NIPSNAP3A: variants seen among roughly 807,000 people sequenced by gnomAD.
NIPSNAP3A encodes nipsnap homolog 3A, also known as protein NipSnap homolog 3A.
NIPSNAP3A carries 27 observed loss-of-function variants against 32.3 expected under a neutral mutation model. The observed-to-expected ratio is 0.84, with a 90% CI of 0.62 to 1.15. The LOEUF (loss-of-function observed/expected upper bound fraction) is 1.15, where lower values mean the gene tolerates loss of function less well. NIPSNAP3A is among the 50% of genes most tolerant of loss of function. The pLI is 0.00. For missense variants in NIPSNAP3A, 278 were observed against 297.2 expected, an observed-to-expected ratio of 0.94 and a Z score of 0.48; for synonymous variants, 108 against 107.3, an observed-to-expected ratio of 1.01 and a Z score of -0.04.
Position 104,747,845 on chromosome 9 carries a change from C to G in NIPSNAP3A, c.53C>G (p.Ala18Gly). 1 of 1,607,890 alleles carries G rather than the reference C, an allele frequency of 6.2e-7. No homozygotes were observed. The highest frequency in any genetic ancestry group is 8.5e-7 in the Non-Finnish European group (1 of 1,178,712). Residue 18 changes from alanine to glycine, a missense_variant, in exon 1 of 6, where the codon GCG (alanine) becomes GGG (glycine). Physicochemically the swap from Ala to Gly is moderately conservative, Grantham distance 60. Transcript: ENST00000374767. Reference protein sequence around the residue: ...LTRALASRTLAPQMCSSFATG... With the variant: ...LTRALASRTLGPQMCSSFATG... ...CGGGCGCTGGCCTCACGGACGCTGG[C>G]GCCTCAGGTACCGGCCACGGGGGTA...
chr9:104,756,677 A>G (rs924044799), intron 4 of NIPSNAP3A, among the ~76,000 whole-genome samples: 1 of 152,124 alleles, frequency 6.6e-6, no homozygotes, highest in African/African-American at 2.4e-5. Context: ...TTTTGCCAGT[A>G]TTACTTCTAG....
rs1367887807 is a variant in NIPSNAP3A at position 104,752,955 on chromosome 9, G to C, written c.321G>C (p.Lys107Asn). 6.2e-7 allele frequency: 1 copy of C among 1,613,252 alleles called. No individual in the cohort carries two copies. Among genetic ancestry groups the C allele is most frequent in the Admixed American group, 1.7e-5 (1 of 60,008 alleles). The change falls in exon 3 of 6, where the codon AAG becomes AAC. Residue 107 changes from lysine (K) to asparagine (N), a missense_variant. Physicochemically the swap from Lys to Asn is moderately conservative, Grantham distance 94. Transcript: ENST00000374767. ...TEVRKALAKD[K>N]EWQEQFLIPN... ...TTCGGAAAGCCTTGGCCAAAGATAA[G>C]GAATGGCAAGAACAATTCCTCATTC...
rs1242576081 is a variant in NIPSNAP3A at position 104,747,758 on chromosome 9, C to A, written c.-35C>A. On this transcript the variant is annotated 5_prime_UTR_variant, in exon 1 of 6. Coordinates refer to ENST00000374767, the MANE Select transcript of NIPSNAP3A (RefSeq NM_015469.3). ...CTTCAGAGGAGTCTCAGAAAGGACA[C>A]GGCTGGCTGCTTTTCTCAGCGCCGA... is the stretch of plus-strand genomic sequence containing the variant. The A allele has an allele frequency of 1.3e-6, 2 of 1,593,846 alleles. No homozygotes were observed. The highest frequency in any genetic ancestry group is 2.7e-5 in the African/African-American group (2 of 74,530).
chr9:104,751,707 T>C (rs1354572948), intron 2 of NIPSNAP3A, among the ~76,000 whole-genome samples: 1 of 152,162 alleles, frequency 6.6e-6, no homozygotes, highest in Non-Finnish European at 1.5e-5. Context: ...GATTTAATAA[T>C]TCTGTTATGT....
At chr9:104,748,929 A>G (rs958391156) in intron 1 of NIPSNAP3A, among the ~76,000 whole-genome samples, 2 of 152,116 alleles carry the variant, frequency 1.3e-5, no homozygotes, top group African/African-American at 4.8e-5. Context: ...CTAGCAGCTA[A>G]AAGTCATCCC....
intron 4 of NIPSNAP3A, among the ~76,000 whole-genome samples, chr9:104,755,642 C>T (rs1439731654): frequency 6.6e-6 from 1 of 152,108 alleles, no homozygotes; most frequent in East Asian, 1.9e-4. Context: ...GATAAAAGAG[C>T]TGATGAGGTA....
At chr9:104,756,934 G>C (rs770807550) in intron 4 of NIPSNAP3A, among the ~76,000 whole-genome samples, 9 of 150,796 alleles carry the variant, frequency 6.0e-5, no homozygotes, top group Non-Finnish European at 1.0e-4. Context: ...CTCCCAAGTA[G>C]CTGGGATTAC....
At chr9:104,755,395 A>G (rs148627043) in intron 4 of NIPSNAP3A, among the ~76,000 whole-genome samples, 26 of 152,178 alleles carry the variant, frequency 1.7e-4, no homozygotes, top group African/African-American at 5.5e-4. Flanking sequence ...TTTTGTATAA[A>G]TATGAAAACC....
chr9:104,747,874 A>C (rs1174747429), intron 1 of NIPSNAP3A, 22 bp downstream of exon 1: 2 of 1,592,426 alleles, frequency 1.3e-6, no homozygotes, highest in Non-Finnish European at 1.7e-6. Context: ...GGGGGTACCC[A>C]AGCCTTCACC....
rs182931768 is a variant in NIPSNAP3A, at chr9:104,751,785, A to T, written c.271+619A>T. Among the ~76,000 whole-genome samples, 24 of 152,268 alleles carry T rather than the reference A, an allele frequency of 1.6e-4. No individual in the cohort carries two copies. In the East Asian group the frequency reaches 4.6e-3, roughly 29 times the overall value. On this transcript the variant is annotated intron_variant, in intron 2 of 5. Transcript: ENST00000374767. ...GAGGAATTCACTGTCATACTACTCT[A>T]GGGAGGTAAAAGAAAAGGAATGAAA...
rs749548557 is a variant in NIPSNAP3A at position 104,754,696 on chromosome 9, C to T, written c.576C>T (p.Asn192=). The T allele has an allele frequency of 1.9e-6, 3 of 1,612,786 alleles. No individual in the cohort carries two copies. In the South Asian group the frequency reaches 3.3e-5, roughly 18 times the overall value. ...TCCACACAGAGTACGGAGCACTCAACAGAGGTACAATTGTCCATTTCTTCT... is the reference window on the plus strand; with the variant it reads ...TCCACACAGAGTACGGAGCACTCAATAGAGGTACAATTGTCCATTTCTTCT... ...GVFHTEYGAL[N]RVHVLWWNES... Residue 192 remains asparagine (N), a synonymous_variant, in exon 4 of 6, where the codon AAC becomes AAT. Coordinates refer to ENST00000374767, the MANE Select transcript of NIPSNAP3A (RefSeq NM_015469.3).
chr9:104,748,034 G>A (rs754384643), intron 1 of NIPSNAP3A, among the ~76,000 whole-genome samples, 182 bp downstream of exon 1: 1 of 112,474 alleles, frequency 8.9e-6, no homozygotes, highest in African/African-American at 2.8e-5. Context: ...CGGAACGCGC[G>A]TGAGGAGGAG....
chr9:104,754,782 T>C, intron 4 of NIPSNAP3A, 82 bp downstream of exon 4: 1 of 1,088,130 alleles, frequency 9.2e-7, no homozygotes, highest in Non-Finnish European at 1.4e-6. Context: ...TTTCTCATTA[T>C]AGAGTATGTT....
chr9:104,752,309 G>A (rs1182693801), intron 2 of NIPSNAP3A, among the ~76,000 whole-genome samples: 1 of 152,160 alleles, frequency 6.6e-6, no homozygotes, highest in Admixed American at 6.5e-5. Flanking sequence ...GTTCAAAGGA[G>A]AAGAGGCTTA....
chr9:104,750,350 A>C (rs1827832723), intron 1 of NIPSNAP3A, among the ~76,000 whole-genome samples: 1 of 152,200 alleles, frequency 6.6e-6, no homozygotes, highest in Non-Finnish European at 1.5e-5. Context: ...GTGAACCCCC[A>C]CTAGGAAACA....
chr9:104,757,004 A>G (rs1300647944), intron 4 of NIPSNAP3A, among the ~76,000 whole-genome samples: 6 of 151,950 alleles, frequency 3.9e-5, no homozygotes, highest in Non-Finnish European at 8.8e-5. Flanking sequence ...GGATTTCACC[A>G]GGCTGGTCTC....
chr9:104,759,232 T>C, intron 5 of NIPSNAP3A, 30 bp from the exon 6 acceptor site: 2 of 1,614,040 alleles, frequency 1.2e-6, no homozygotes, highest in Non-Finnish European at 1.7e-6. Flanking sequence ...TCAGTAACTC[T>C]ATATGCCTTT....
chr9:104,750,875 T>C, intron 1 of NIPSNAP3A, 81 bp from the exon 2 acceptor site: 1 of 1,098,480 alleles, frequency 9.1e-7, no homozygotes, highest in Non-Finnish European at 1.4e-6. Flanking sequence ...GTGTCCCTTG[T>C]ACCAGATTCA....
intron 1 of NIPSNAP3A, among the ~76,000 whole-genome samples, 155 bp downstream of exon 1, chr9:104,748,007 C>T (rs1264316533): frequency 1.3e-5 from 2 of 152,220 alleles, no homozygotes; most frequent in Non-Finnish European, 2.9e-5. Context: ...GCCCCGGAAC[C>T]CCAAGACAGG....
Sources: gnomAD v4.1 joint callset for allele counts (sites outside exome capture counted in the v4.1 genomes callset) on GRCh38, gnomAD v4.1.1 for gene constraint, MANE v1.5 for transcripts, NCBI Gene and HGNC (gene_info 2026-07-23, HGNC 2026-07-21) for gene names.